PCDH9: variants seen among roughly 807,000 people sequenced by gnomAD.
PCDH9 encodes protocadherin 9.
Under a neutral mutation model 70.6 loss-of-function variants are expected in PCDH9, and 24 were observed. The observed-to-expected ratio is 0.34, with a 90% CI of 0.25 to 0.48. The LOEUF (loss-of-function observed/expected upper bound fraction) is 0.48. PCDH9 is among the 20% of genes least tolerant of loss of function. The probability of loss-of-function intolerance (pLI) is 0.99; values close to 1 mark genes in which losing one functional copy is unlikely to be tolerated. For missense variants in PCDH9, 1,281 were observed against 1,503.6 expected, an observed-to-expected ratio of 0.85 and a Z score of 2.45; for synonymous variants, 562 against 558.5, an observed-to-expected ratio of 1.01 and a Z score of -0.09.
chr13:67,133,068 C>G (rs748196376), intron 2 of PCDH9, among the ~76,000 whole-genome samples: 15 of 152,108 alleles, frequency 9.9e-5, no homozygotes, highest in Non-Finnish European at 1.8e-4. Flanking sequence ...AGACTTCAAA[C>G]AGCACTTTGC....
intron 2 of PCDH9, among the ~76,000 whole-genome samples, chr13:67,155,576 T>C (rs975558699): frequency 6.6e-5 from 10 of 152,308 alleles, no homozygotes; most frequent in African/African-American, 2.2e-4. Flanking sequence ...TTCCATGACG[T>C]GATTTTTTAA....
At chr13:67,146,087 G>A (rs2087516748) in intron 2 of PCDH9, among the ~76,000 whole-genome samples, 1 of 152,046 alleles carries the variant, frequency 6.6e-6, no homozygotes, top group South Asian at 2.1e-4. Context: ...GTTTTAGGCA[G>A]GTAATTGAGG....
chr13:66,707,010 G>T (rs2078720309), intron 3 of PCDH9, among the ~76,000 whole-genome samples: 1 of 152,138 alleles, frequency 6.6e-6, no homozygotes, highest in South Asian at 2.1e-4. Context: ...AGGTAAAGAA[G>T]AATAAATCAG....
At chr13:66,891,825 TTG>T (rs925118639) in intron 3 of PCDH9, among the ~76,000 whole-genome samples, 4 of 152,030 alleles carry the variant, frequency 2.6e-5, no homozygotes, top group African/African-American at 9.7e-5. Flanking sequence ...CATTTTTTTT[TTG>T]TTTTGTTTTA....
chr13:66,771,851 G>A (rs150105551), intron 3 of PCDH9, among the ~76,000 whole-genome samples: 6 of 152,300 alleles, frequency 3.9e-5, no homozygotes, highest in Non-Finnish European at 7.3e-5. Flanking sequence ...ATAAATCACT[G>A]AAAAGAGACC....
chr13:66,855,971 A>G (rs1008696959), intron 3 of PCDH9, among the ~76,000 whole-genome samples: 109 of 152,152 alleles, frequency 7.2e-4, no homozygotes, highest in African/African-American at 2.6e-3. Context: ...TCTCAAAAAA[A>G]TTATGAACAT....
intron 3 of PCDH9, among the ~76,000 whole-genome samples, chr13:66,714,893 A>C (rs1168556248): frequency 6.6e-6 from 1 of 152,090 alleles, no homozygotes; most frequent in South Asian, 2.1e-4. Context: ...TACTACCTCT[A>C]CCCAACCTCA....
chr13:66,668,697 G>T (rs1448777500), intron 3 of PCDH9, among the ~76,000 whole-genome samples: 2 of 152,148 alleles, frequency 1.3e-5, no homozygotes, highest in Admixed American at 6.6e-5. Context: ...GCTTTCATCA[G>T]TGAAAATTTG....
chr13:66,528,616 G>A (rs943533536), intron 4 of PCDH9, among the ~76,000 whole-genome samples: 6 of 151,968 alleles, frequency 3.9e-5, no homozygotes, highest in Non-Finnish European at 8.8e-5. Context: ...TATTTAAGTC[G>A]GAGTAACCTA....
intron 4 of PCDH9, among the ~76,000 whole-genome samples, chr13:66,612,811 G>A (rs751390748): frequency 1.3e-5 from 2 of 151,940 alleles, no homozygotes; most frequent in Non-Finnish European, 2.9e-5. Context: ...GGCCTGTTGA[G>A]AGTCCATGTT....
chr13:66,733,139 T>C (rs1018049939), intron 3 of PCDH9, among the ~76,000 whole-genome samples: 9 of 152,144 alleles, frequency 5.9e-5, no homozygotes, highest in Non-Finnish European at 1.3e-4. Context: ...CCTGGCTCTG[T>C]GGCTTTGAAT....
At chr13:66,404,709 T>G (rs1957250145) in intron 4 of PCDH9, among the ~76,000 whole-genome samples, 1 of 152,180 alleles carries the variant, frequency 6.6e-6, no homozygotes, top group Admixed American at 6.5e-5. Flanking sequence ...TATGCTGTTT[T>G]AGTGCATTTT....
intron 2 of PCDH9, among the ~76,000 whole-genome samples, chr13:67,044,887 A>G (rs893353879): frequency 6.6e-6 from 1 of 152,164 alleles, no homozygotes. Context: ...TGCAGTTACT[A>G]AAAATACAAA....
At chr13:66,637,250 A>G (rs2077650594) in intron 3 of PCDH9, among the ~76,000 whole-genome samples, 1 of 152,160 alleles carries the variant, frequency 6.6e-6, no homozygotes, top group South Asian at 2.1e-4. Flanking sequence ...CTAATTTGCT[A>G]TTGCTCTGAA....
intron 4 of PCDH9, among the ~76,000 whole-genome samples, chr13:66,393,928 A>G (rs34889580): frequency 0.071 from 10,821 of 152,316 alleles, 438 homozygotes; most frequent in East Asian, 0.11. Flanking sequence ...AAACGAGTGG[A>G]ATCTGTAGAG....
intron 2 of PCDH9, among the ~76,000 whole-genome samples, chr13:67,050,067 T>C (rs529317530): frequency 4.6e-5 from 7 of 152,354 alleles, no homozygotes; most frequent in Non-Finnish European, 7.3e-5. Context: ...CCCAGGCTGA[T>C]ACTGTGTGGG....
intron 2 of PCDH9, among the ~76,000 whole-genome samples, chr13:66,987,679 G>A (rs2083920294): frequency 7.3e-6 from 1 of 137,624 alleles, no homozygotes; most frequent in South Asian, 2.7e-4. Context: ...TTCATGATTA[G>A]AAAAGATATT....
chr13:67,175,305 T>G (rs1395972799), intron 2 of PCDH9, among the ~76,000 whole-genome samples: 4 of 152,154 alleles, frequency 2.6e-5, no homozygotes, highest in Non-Finnish European at 5.9e-5. Flanking sequence ...AAAGGAAACT[T>G]ACTTCGTTTC....
chr13:66,356,643 CA>C (rs1956388228), intron 4 of PCDH9, among the ~76,000 whole-genome samples: 1 of 151,926 alleles, frequency 6.6e-6, no homozygotes, highest in Non-Finnish European at 1.5e-5. Flanking sequence ...AGTGCAAAAA[CA>C]AAGATGATAC....
Sources: gnomAD v4.1 joint callset for allele counts (sites outside exome capture counted in the v4.1 genomes callset) on GRCh38, gnomAD v4.1.1 for gene constraint, MANE v1.5 for transcripts, NCBI Gene and HGNC (gene_info 2026-07-23, HGNC 2026-07-21) for gene names.